NAA35: variants seen among roughly 807,000 people sequenced by gnomAD.
NAA35 encodes N-alpha-acetyltransferase 35, NatC auxiliary subunit.
In NAA35, 18 loss-of-function variants were observed where a neutral mutation model predicts 101.7. The observed-to-expected ratio is 0.18, with a 90% CI of 0.12 to 0.26. The LOEUF (loss-of-function observed/expected upper bound fraction) is 0.26, where lower values mean the gene tolerates loss of function less well. NAA35 is among the 10% of genes least tolerant of loss of function. NAA35 has a pLI of 1.00. For synonymous variants in NAA35, 267 were observed against 273.1 expected (o/e 0.98, Z 0.22); for missense variants, 601 against 886.8 (o/e 0.68, Z 4.09).
At chr9:85,972,939 G>A (rs749334460) in intron 6 of NAA35, among the ~76,000 whole-genome samples, 15 of 152,220 alleles carry the variant, frequency 9.9e-5, no homozygotes, top group Non-Finnish European at 1.9e-4. Flanking sequence ...CACATATAAT[G>A]TCAGGTGGTG....
At chr9:85,942,013 G>A (rs1828540978) in intron 1 of NAA35, 142 bp from the exon 2 acceptor site, 5 of 1,353,410 alleles carry the variant, frequency 3.7e-6, no homozygotes, top group Admixed American at 5.6e-5. Context: ...ATTCTTTGCA[G>A]TACTGTCCTT....
chr9:85,961,055 G>A (rs574802026), intron 5 of NAA35, among the ~76,000 whole-genome samples: 8 of 152,222 alleles, frequency 5.3e-5, no homozygotes, highest in African/African-American at 1.7e-4. Context: ...ATAAACAGAG[G>A]GAGGATTTTT....
chr9:85,954,573 T>C (rs991130742), intron 2 of NAA35, among the ~76,000 whole-genome samples: 1 of 152,202 alleles, frequency 6.6e-6, no homozygotes, highest in African/African-American at 2.4e-5. Flanking sequence ...TAATTTGCAC[T>C]TTCCTAATGA....
chr9:86,013,166 C>T (rs1832031695), intron 16 of NAA35, 22 bp downstream of exon 16: 2 of 1,464,792 alleles, frequency 1.4e-6, no homozygotes, highest in Non-Finnish European at 1.9e-6. Flanking sequence ...GTTCCCCTCT[C>T]TTCTAAAATT....
At chr9:85,967,548 A>T (rs10114196) in intron 6 of NAA35, among the ~76,000 whole-genome samples, 47,514 of 151,934 alleles carry the variant, frequency 0.31, 9,701 homozygotes, top group African/African-American at 0.59. Context: ...TGGCTCACGC[A>T]TGTAATTCCA....
At chr9:86,010,597 C>T (rs548128901) in intron 15 of NAA35, among the ~76,000 whole-genome samples, 1 of 126,102 alleles carries the variant, frequency 7.9e-6, no homozygotes, top group African/African-American at 3.1e-5. Context: ...TTTTTTAAGA[C>T]GGTGTCTCGC....
intron 15 of NAA35, among the ~76,000 whole-genome samples, chr9:86,012,266 C>T (rs923236917): frequency 7.9e-5 from 12 of 151,628 alleles, no homozygotes; most frequent in Non-Finnish European, 1.6e-4. Context: ...TTACAGGCGC[C>T]TGCCACCACG....
intron 11 of NAA35, among the ~76,000 whole-genome samples, chr9:85,982,546 C>T (rs1269140254): frequency 6.6e-6 from 1 of 152,082 alleles, no homozygotes; most frequent in Non-Finnish European, 1.5e-5. Context: ...TGAATTGGGT[C>T]TAGTTTACCC....
chr9:85,982,128 A>G (rs1000380691), intron 11 of NAA35, among the ~76,000 whole-genome samples: 1 of 152,200 alleles, frequency 6.6e-6, no homozygotes, highest in African/African-American at 2.4e-5. Context: ...TTGGAGGTGG[A>G]TAAGGAGGGC....
At position 86,021,877 on chromosome 9, in the gene NAA35, TTGAG is replaced by T. The variant is rs1449992876; in HGVS notation, c.2119-22_2119-19del. The stretch of plus-strand genomic sequence containing the variant: ...ATCTGAATATTTGTAGATACATTAA[TTGAG>T]TTTCGTTTTTCTTTAACAGGTTCCT... On this transcript the variant is annotated intron_variant, in intron 22 of 22. Transcript: ENST00000361671. 1.3e-6 allele frequency: 2 copies of T among 1,579,090 alleles called. No homozygotes were observed. The highest frequency in any genetic ancestry group is 1.7e-5 in the Admixed American group (1 of 59,610).
intron 2 of NAA35, among the ~76,000 whole-genome samples, chr9:85,950,672 A>G (rs1391794757): frequency 1.3e-5 from 2 of 152,126 alleles, no homozygotes; most frequent in East Asian, 1.9e-4. Flanking sequence ...TGATGAAGCT[A>G]TTTGGTACCC....
At position 86,001,607 on chromosome 9, in the gene NAA35, C is replaced by T. The variant is rs370668628; in HGVS notation, c.1057-1978C>T. Among the ~76,000 whole-genome samples, 191 of 152,250 alleles carry T rather than the reference C, an allele frequency of 1.3e-3. 4 individuals carry two copies. The South Asian group carries it at 0.033, about 27-fold the overall frequency. On this transcript the variant is annotated intron_variant, in intron 12 of 22. Transcript: ENST00000361671. ...TTAGGTTTTCTTGTTGAATTGAACCCTTTACCCTTATGTAATACCCTTCCT... is the reference window on the plus strand; with the variant it reads ...TTAGGTTTTCTTGTTGAATTGAACCTTTTACCCTTATGTAATACCCTTCCT...
At chr9:86,021,571 T>C (rs1426757758) in intron 22 of NAA35, among the ~76,000 whole-genome samples, 6 of 152,192 alleles carry the variant, frequency 3.9e-5, no homozygotes. Flanking sequence ...GTTCTATCAG[T>C]TACCTGGAGC....
chr9:85,972,912 G>T (rs780321409), intron 6 of NAA35, among the ~76,000 whole-genome samples: 2 of 152,186 alleles, frequency 1.3e-5, no homozygotes, highest in South Asian at 4.1e-4. Context: ...GATAGTCAAT[G>T]TATATGTAAT....
chr9:85,956,423 G>A (rs189719853), intron 3 of NAA35, 30 bp downstream of exon 3: 1 of 1,307,036 alleles, frequency 7.7e-7, no homozygotes, highest in East Asian at 2.7e-5. Flanking sequence ...AAATAGTGTA[G>A]TGTAATGTTT....
In NAA35 at chr9:85,983,072, C is replaced by T. The variant is rs146100362; in HGVS notation, c.877+4691C>T. Among the ~76,000 whole-genome samples, 786 of 152,214 alleles carry T rather than the reference C, an allele frequency of 5.2e-3. 4 individuals are homozygous for T. The highest frequency in any genetic ancestry group is 0.018 in the African/African-American group (751 of 41,526). On this transcript the variant is annotated intron_variant, in intron 11 of 22. Transcript: ENST00000361671. ...TGTTCAGAAGCAGAAATTTCATCCC[C>T]CTTTTTGCTGAGTGACATTCCTGAA...
At chr9:85,977,319 G>A (rs770781360) in intron 9 of NAA35, 44 bp from the exon 10 acceptor site, 27 of 1,311,754 alleles carry the variant, frequency 2.1e-5, no homozygotes, top group Non-Finnish European at 2.8e-5. Flanking sequence ...TTCCTTTCAC[G>A]GGCTTTGCAT....
At chr9:85,964,022 T>A (rs1048255687) in intron 6 of NAA35, among the ~76,000 whole-genome samples, 12 of 152,148 alleles carry the variant, frequency 7.9e-5, no homozygotes, top group Non-Finnish European at 1.5e-4. Context: ...TTGGCAAAGA[T>A]TAGAAATTTT....
At chr9:85,942,050 A>G in intron 1 of NAA35, 105 bp from the exon 2 acceptor site, 1 of 1,482,892 alleles carries the variant, frequency 6.7e-7, no homozygotes, top group East Asian at 2.3e-5. Context: ...TGCTTTAAAG[A>G]GTTTAGTTAA....
Sources: allele counts gnomAD v4.1 joint callset (sites outside exome capture counted in the v4.1 genomes callset), GRCh38; gene constraint gnomAD v4.1.1; transcripts MANE v1.5; gene names NCBI Gene and HGNC (gene_info 2026-07-23, HGNC 2026-07-21).